PPP2R5A: variants seen among roughly 807,000 people sequenced by gnomAD.
PPP2R5A encodes protein phosphatase 2 regulatory subunit B'alpha.
In PPP2R5A, 25 loss-of-function variants were observed where a neutral mutation model predicts 64.2. That is an observed-to-expected ratio of 0.39 (90% CI 0.28 to 0.54). PPP2R5A has a LOEUF of 0.54. Ranked by LOEUF, PPP2R5A falls within the 20% of genes least tolerant of loss-of-function variation. PPP2R5A has a pLI of 0.67. For synonymous variants in PPP2R5A, 198 were observed against 201.2 expected (o/e 0.98, Z 0.13); for missense variants, 425 against 576.3 (o/e 0.74, Z 2.69).
At chr1:212,357,095 A>G in intron 10 of PPP2R5A, 26 bp downstream of exon 10, 1 of 1,589,776 alleles carries the variant, frequency 6.3e-7, no homozygotes, top group Non-Finnish European at 8.5e-7. Context: ...TGAAGCCTTT[A>G]CTTTACACTA....
intron 1 of PPP2R5A, among the ~76,000 whole-genome samples, chr1:212,324,071 C>CAA (rs113062943): frequency 3.1e-5 from 4 of 130,054 alleles, no homozygotes; most frequent in Non-Finnish European, 3.3e-5. Flanking sequence ...GACTCCATCT[C>CAA]AAAAAAAAAA....
chr1:212,323,936 G>A (rs954927370), intron 1 of PPP2R5A, among the ~76,000 whole-genome samples: 3 of 152,094 alleles, frequency 2.0e-5, no homozygotes, highest in South Asian at 4.1e-4. Flanking sequence ...GCCGGGTGTG[G>A]TGGTGAGTGC....
intron 1 of PPP2R5A, among the ~76,000 whole-genome samples, chr1:212,303,630 A>C (rs1658840314): frequency 6.6e-6 from 1 of 152,038 alleles, no homozygotes; most frequent in Non-Finnish European, 1.5e-5. Flanking sequence ...GAGGCTATGA[A>C]GATTTACTCT....
intron 1 of PPP2R5A, among the ~76,000 whole-genome samples, chr1:212,324,810 T>TTAGC: frequency 6.6e-6 from 1 of 152,124 alleles, no homozygotes; most frequent in Non-Finnish European, 1.5e-5. Context: ...TTTCACCATG[T>TTAGC]TAGCTAGGAT....
At chr1:212,286,959 T>G (rs1658515677) in intron 1 of PPP2R5A, among the ~76,000 whole-genome samples, 1 of 152,246 alleles carries the variant, frequency 6.6e-6, no homozygotes, top group African/African-American at 2.4e-5. Flanking sequence ...TTTAAAATAT[T>G]CTGTTGTCTG....
chr1:212,358,449 C>T (rs575278779), intron 11 of PPP2R5A: 18 of 269,792 alleles, frequency 6.7e-5, no homozygotes, highest in African/African-American at 3.7e-4. Context: ...ACATTTTTAA[C>T]TAGAGTTTAA....
chr1:212,329,495 A>G (rs1439558261), intron 2 of PPP2R5A, among the ~76,000 whole-genome samples, 164 bp downstream of exon 2: 1 of 152,190 alleles, frequency 6.6e-6, no homozygotes, highest in Non-Finnish European at 1.5e-5. Context: ...ATCATTGCAT[A>G]TACAAGTTTG....
At chr1:212,289,597 AT>A (rs1658565255) in intron 1 of PPP2R5A, among the ~76,000 whole-genome samples, 1 of 152,134 alleles carries the variant, frequency 6.6e-6, no homozygotes, top group Admixed American at 6.5e-5. Flanking sequence ...TCAAAGGTAA[AT>A]TTTTAATCTT....
At chr1:212,341,116 A>C (rs1033234587) in intron 3 of PPP2R5A, among the ~76,000 whole-genome samples, 3 of 152,198 alleles carry the variant, frequency 2.0e-5, no homozygotes, top group Admixed American at 1.3e-4. Flanking sequence ...AAAAAACTTT[A>C]GTCATATTTG....
At chr1:212,309,263 C>T (rs1658980810) in intron 1 of PPP2R5A, 5 of 1,517,054 alleles carry the variant, frequency 3.3e-6, no homozygotes, top group Non-Finnish European at 2.7e-6. Flanking sequence ...TTCTTCATGG[C>T]AGACTCAGTG....
chr1:212,320,319 A>G (rs1402249554), intron 1 of PPP2R5A, among the ~76,000 whole-genome samples: 2 of 152,200 alleles, frequency 1.3e-5, no homozygotes, highest in African/African-American at 4.8e-5. Context: ...GTACAGAACA[A>G]AATCAAAAGT....
At chr1:212,327,172 T>C (rs1012154960) in intron 1 of PPP2R5A, among the ~76,000 whole-genome samples, 5 of 152,236 alleles carry the variant, frequency 3.3e-5, no homozygotes, top group African/African-American at 7.2e-5. Context: ...GTACTGGTTT[T>C]GAATAGAGGC....
At chr1:212,343,880 T>C (rs1659730087) in intron 4 of PPP2R5A, among the ~76,000 whole-genome samples, 1 of 152,196 alleles carries the variant, frequency 6.6e-6, no homozygotes, top group Admixed American at 6.5e-5. Context: ...TTTTGTGGTG[T>C]GAGGGGAGCA....
At position 212,342,090 on chromosome 1, in the gene PPP2R5A, T is replaced by C. The variant is rs1026739751; in HGVS notation, c.481-98T>C. 15 of 1,450,632 alleles carry C rather than the reference T, an allele frequency of 1.0e-5. No homozygotes were observed. The Admixed American group carries it at 2.0e-4, about 19-fold the overall frequency. The allele number at this position is 1,450,632 out of a possible 1,614,324, so 89.9% of individuals were successfully genotyped here. On this transcript the variant is annotated intron_variant, in intron 3 of 12. Transcript: ENST00000261461. ...ATAATGAGATCTGAAATCTCCCCACTAAGTTGGTAAGAAAAGGTGTGTTTT... is the reference window on the plus strand; with the variant it reads ...ATAATGAGATCTGAAATCTCCCCACCAAGTTGGTAAGAAAAGGTGTGTTTT...
At chr1:212,311,587 T>C (rs1203040865) in intron 1 of PPP2R5A, among the ~76,000 whole-genome samples, 1 of 152,278 alleles carries the variant, frequency 6.6e-6, no homozygotes, top group Non-Finnish European at 1.5e-5. Context: ...GTGTGCTCCT[T>C]CTACTTATTA....
chr1:212,288,654 T>C (rs1658548431), intron 1 of PPP2R5A, among the ~76,000 whole-genome samples: 2 of 152,234 alleles, frequency 1.3e-5, no homozygotes, highest in Admixed American at 1.3e-4. Context: ...ATTGCTTCAA[T>C]TGGAACTTTG....
intron 8 of PPP2R5A, chr1:212,352,909 G>C (rs1192260525): frequency 1.9e-6 from 1 of 519,180 alleles, no homozygotes; most frequent in South Asian, 1.4e-5. Flanking sequence ...TCATAGTTCT[G>C]TTTGCTGTAA....
chr1:212,288,137 C>T lies in PPP2R5A; in HGVS notation c.181+1846C>T, dbSNP rs544348893. Among the ~76,000 whole-genome samples the T allele has an allele frequency of 2.6e-5, 4 of 152,264 alleles. No homozygotes were observed. The East Asian group carries it at 5.8e-4, about 22-fold the overall frequency. On this transcript the variant is annotated intron_variant, in intron 1 of 12. Transcript: ENST00000261461. ...GTTCAAACAATTCTTCTGCCTCAGC[C>T]TCCCAACTAGCTGGGATTACAGGCA...
intron 1 of PPP2R5A, among the ~76,000 whole-genome samples, chr1:212,312,897 C>G (rs1039716380): frequency 4.6e-5 from 7 of 151,770 alleles, no homozygotes; most frequent in African/African-American, 1.2e-4. Flanking sequence ...GGGATTTATG[C>G]CAGGAATGCA....
Sources: allele counts gnomAD v4.1 joint callset (sites outside exome capture counted in the v4.1 genomes callset), GRCh38; gene constraint gnomAD v4.1.1; transcripts MANE v1.5; gene names NCBI Gene and HGNC (gene_info 2026-07-23, HGNC 2026-07-21).